SENP6: variants seen among roughly 807,000 people sequenced by gnomAD.
SENP6 encodes the protein SUMO specific peptidase 6.
A neutral mutation model predicts 134.5 loss-of-function variants in SENP6; 41 were observed. That is an observed-to-expected ratio of 0.30 (90% CI 0.24 to 0.40). SENP6 has a LOEUF of 0.40. SENP6 is among the 10% of genes least tolerant of loss of function. The probability of loss-of-function intolerance (pLI) is 1.00; values close to 1 mark genes in which losing one functional copy is unlikely to be tolerated. For synonymous variants in SENP6, 395 were observed against 429.8 expected, an observed-to-expected ratio of 0.92 and a Z score of 1.00; for missense variants, 1,248 against 1,312.5, an observed-to-expected ratio of 0.95 and a Z score of 0.76.
chr6:75,617,396 C>T (rs1438884958), intron 1 of SENP6, among the ~76,000 whole-genome samples: 3 of 149,984 alleles, frequency 2.0e-5, no homozygotes, highest in Non-Finnish European at 4.4e-5. Flanking sequence ...GCTTCAGCCT[C>T]CTGAGTAGGT....
At chr6:75,622,329 A>G (rs13191639) in intron 2 of SENP6, among the ~76,000 whole-genome samples, 47,645 of 152,096 alleles carry the variant, frequency 0.31, 8,791 homozygotes, top group Admixed American at 0.48. Context: ...AGGCCGAGGC[A>G]GGTGGTTCAT....
intron 6 of SENP6, among the ~76,000 whole-genome samples, chr6:75,642,424 A>T (rs746237959): frequency 1.3e-5 from 2 of 152,230 alleles, no homozygotes; most frequent in Non-Finnish European, 2.9e-5. Context: ...TAAAGACTAA[A>T]TGGGGAATTG....
At chr6:75,625,045 G>A (rs969683413) in intron 3 of SENP6, among the ~76,000 whole-genome samples, 1 of 151,072 alleles carries the variant, frequency 6.6e-6, no homozygotes, top group African/African-American at 2.4e-5. Context: ...GATGAAATAA[G>A]GTATTTTGGA....
At chr6:75,611,685 T>C (rs1173873729) in intron 1 of SENP6, 1 of 152,240 alleles carries the variant, frequency 6.6e-6, no homozygotes, top group African/African-American at 2.4e-5. Context: ...CAGCTTGAGA[T>C]AAGTGTATTT....
chr6:75,663,209 C>T lies in SENP6; in HGVS notation c.697-12C>T. 3 of 1,605,374 alleles carry T rather than the reference C, an allele frequency of 1.9e-6. No homozygotes were observed. The South Asian group carries it at 3.4e-5, about 18-fold the overall frequency. ...GACCAAATGCCAAAGTTGTGGTGTT[C>T]TTTTTTCTAAGGATTTGCAAAGAAA... On this transcript the variant is annotated splice_polypyrimidine_tract_variant and intron_variant, in intron 8 of 23. Coordinates refer to ENST00000447266, the MANE Select transcript of SENP6 (RefSeq NM_015571.4).
At chr6:75,621,458 G>A in intron 1 of SENP6, 74 bp from the exon 2 acceptor site, 6 of 884,720 alleles carry the variant, frequency 6.8e-6, no homozygotes, top group South Asian at 1.6e-5. Flanking sequence ...CAAAGAGCTT[G>A]GGAAATGCAC....
intron 1 of SENP6, among the ~76,000 whole-genome samples, chr6:75,619,373 C>G (rs1465153634): frequency 6.6e-6 from 1 of 151,944 alleles, no homozygotes; most frequent in Non-Finnish European, 1.5e-5. Flanking sequence ...TAACTGTTTT[C>G]AAGGTTCATC....
Position 75,674,856 on chromosome 6 carries a change from A to G in SENP6, c.1393-579A>G, listed in dbSNP as rs560373090. Reference sequence around the variant, plus strand: ...ATATAACTCCCCGCTAAATTTTACTATTAGCATTTTATTGTATTTGCTTTC... The same window carrying G: ...ATATAACTCCCCGCTAAATTTTACTGTTAGCATTTTATTGTATTTGCTTTC... On this transcript the variant is annotated intron_variant, in intron 11 of 23. Coordinates refer to ENST00000447266, the MANE Select transcript of SENP6 (RefSeq NM_015571.4). Among the ~76,000 whole-genome samples the G allele has an allele frequency of 2.1e-4, 32 of 152,310 alleles. No homozygotes were observed. The South Asian group carries it at 6.6e-3, about 32-fold the overall frequency.
chr6:75,630,586 A>G (rs1022008586), intron 3 of SENP6, among the ~76,000 whole-genome samples: 1 of 152,124 alleles, frequency 6.6e-6, no homozygotes, highest in Non-Finnish European at 1.5e-5. Flanking sequence ...TTAAACTATT[A>G]TAGACTGGTT....
At chr6:75,669,938 AT>A (rs59309658) in intron 10 of SENP6, among the ~76,000 whole-genome samples, 120,632 of 150,084 alleles carry the variant, frequency 0.8, 48,813 homozygotes, top group Non-Finnish European at 0.86. Context: ...ACAAGATCAG[AT>A]TTTTTTTTTT....
intron 16 of SENP6, among the ~76,000 whole-genome samples, chr6:75,689,444 G>T (rs1774083983): frequency 6.6e-6 from 1 of 152,098 alleles, no homozygotes; most frequent in Non-Finnish European, 1.5e-5. Flanking sequence ...GAAAATAAGT[G>T]TTGATGAGGA....
intron 11 of SENP6, 22 bp downstream of exon 11, chr6:75,670,742 T>C: frequency 6.9e-7 from 1 of 1,454,538 alleles, no homozygotes; most frequent in South Asian, 1.5e-5. Flanking sequence ...TTAAGCTCTT[T>C]ACTATACCAA....
chr6:75,694,999 C>T (rs1316082836), intron 16 of SENP6, among the ~76,000 whole-genome samples: 1 of 152,116 alleles, frequency 6.6e-6, no homozygotes, highest in East Asian at 1.9e-4. Flanking sequence ...CTCAGCCTCC[C>T]AAGTAGCTGG....
At chr6:75,657,148 A>G (rs1472539129) in intron 7 of SENP6, among the ~76,000 whole-genome samples, 3 of 152,218 alleles carry the variant, frequency 2.0e-5, no homozygotes, top group African/African-American at 4.8e-5. Context: ...TCCTTTGGGT[A>G]CATTATCAAA....
intron 9 of SENP6, among the ~76,000 whole-genome samples, chr6:75,665,253 T>G (rs1042557028): frequency 1.2e-4 from 18 of 150,282 alleles, no homozygotes; most frequent in African/African-American, 3.9e-4. Context: ...GCCACTGCGC[T>G]CCAGCCTGGG....
intron 9 of SENP6, among the ~76,000 whole-genome samples, chr6:75,664,143 C>G (rs1425482176): frequency 6.6e-6 from 1 of 151,568 alleles, no homozygotes; most frequent in Non-Finnish European, 1.5e-5. Context: ...ATAATTTCTT[C>G]TAAAAAATAG....
chr6:75,666,611 T>C, intron 9 of SENP6, 101 bp from the exon 10 acceptor site: 1 of 531,842 alleles, frequency 1.9e-6, no homozygotes, highest in Non-Finnish European at 2.7e-6. Flanking sequence ...TAGGATATTT[T>C]CCACTTTGGT....
intron 16 of SENP6, chr6:75,679,974 T>C (rs144579119): frequency 2.2e-4 from 33 of 152,228 alleles, no homozygotes; most frequent in African/African-American, 6.3e-4. Flanking sequence ...AGAAATGATA[T>C]CATAATTGAA....
At chr6:75,649,477 G>C (rs1770702915) in intron 7 of SENP6, among the ~76,000 whole-genome samples, 1 of 152,112 alleles carries the variant, frequency 6.6e-6, no homozygotes, top group African/African-American at 2.4e-5. Flanking sequence ...AAAAGAGCAT[G>C]CTTATTTACT....
Sources: gnomAD v4.1 joint callset for allele counts (sites outside exome capture counted in the v4.1 genomes callset) on GRCh38, gnomAD v4.1.1 for gene constraint, MANE v1.5 for transcripts, NCBI Gene and HGNC (gene_info 2026-07-23, HGNC 2026-07-21) for gene names.